The following SUMF2 variants were observed in gnomAD, a reference collection of about 807,000 sequenced individuals.
SUMF2 encodes the protein inactive C-alpha-formylglycine-generating enzyme 2.
A neutral mutation model predicts 44.8 loss-of-function variants in SUMF2; 45 were observed. The ratio of observed to expected loss-of-function variants is 1.00; its 90% CI spans 0.79 to 1.29. The LOEUF is 1.29. SUMF2 is among the 50% of genes most tolerant of loss of function. The pLI, the probability that SUMF2 is intolerant of heterozygous loss-of-function variation, is 0.00. For synonymous variants in SUMF2, 148 were observed against 150.4 expected, an observed-to-expected ratio of 0.98 and a Z score of 0.12; for missense variants, 418 against 389.9, an observed-to-expected ratio of 1.07 and a Z score of -0.61.
At chr7:56,081,168 G>A (rs756697555), downstream of SUMF2, 16 of 1,613,922 alleles carry the variant, frequency 9.9e-6, no homozygotes, top group Non-Finnish European at 1.2e-5. This position sits in a 1 kb window ranked among gnomAD's most constrained non-coding sequence, Gnocchi z 4.6. Flanking sequence ...TTCGGAAAGC[G>A]TAGGCGTCGA....
chr7:56,065,403 G>GT (rs1173852920), intron 1 of SUMF2, among the ~76,000 whole-genome samples: 1 of 151,862 alleles, frequency 6.6e-6, no homozygotes, highest in Admixed American at 6.6e-5. Flanking sequence ...TAGTCAAACC[G>GT]TTTCTCACCT....
downstream of SUMF2, chr7:56,083,544 C>T (rs1796119088): frequency 1.3e-6 from 2 of 1,515,660 alleles, no homozygotes; most frequent in Non-Finnish European, 1.8e-6. Context: ...GAGCAGCACA[C>T]ACGCCCAGCC....
In SUMF2 at chr7:56,080,463, T is replaced by C. The variant is rs771467159; in HGVS notation, c.*851T>C. On this transcript the variant is annotated 3_prime_UTR_variant, in exon 9 of 9. Coordinates refer to ENST00000434526, the MANE Select transcript of SUMF2 (RefSeq NM_015411.4). ...AATTTTTGTAGTGATGGGATCTCGC[T>C]CTGTTGCCCAGGGTGGTCTCGAACT... is the stretch of plus-strand genomic sequence containing the variant. The C allele has an allele frequency of 6.2e-5, 10 of 160,508 alleles. No individual in the cohort carries two copies. Among genetic ancestry groups the C allele is most frequent in the Non-Finnish European group, 1.1e-4 (8 of 73,628 alleles). The allele number at this position is 160,508 out of a possible 1,614,324, so 9.9% of individuals were successfully genotyped here. A position where few individuals can be genotyped will look rare whatever the true frequency, so the allele number is the denominator to read the frequency against.
intron 1 of SUMF2, 107 bp downstream of exon 1, chr7:56,064,485 G>A (rs1329583092): frequency 7.6e-6 from 11 of 1,444,672 alleles, no homozygotes; most frequent in Non-Finnish European, 1.0e-5. Context: ...GGATGCGGCT[G>A]CAGCGGCAGG....
chr7:56,083,818 A>T, downstream of SUMF2: 2 of 787,690 alleles, frequency 2.5e-6, no homozygotes. Context: ...CTAGAAGCTA[A>T]GTGGGCCACT....
At chr7:56,071,119 C>CGG (rs1795128463) in intron 2 of SUMF2, among the ~76,000 whole-genome samples, 1 of 152,214 alleles carries the variant, frequency 6.6e-6, no homozygotes, top group African/African-American at 2.4e-5. Context: ...GTAGTCCCAA[C>CGG]ACTTTGGGAG....
downstream of SUMF2, chr7:56,083,188 G>A: frequency 1.7e-6 from 2 of 1,164,540 alleles, no homozygotes; most frequent in South Asian, 1.4e-5. Flanking sequence ...GAACAATTAA[G>A]TTAGGGGAGA....
downstream of SUMF2, chr7:56,083,536 G>A (rs1164814704): frequency 1.2e-5 from 18 of 1,526,608 alleles, 1 homozygote; most frequent in Admixed American, 2.9e-4. Flanking sequence ...CTGCAAGGGA[G>A]CAGCACACAC....
In SUMF2 at chr7:56,078,388, T is replaced by C. The variant is rs1394622843; in HGVS notation, c.701T>C (p.Val234Ala). Residue 234 changes from valine (V) to alanine (A), a missense_variant, in exon 8 of 9, where the codon GTG (valine) becomes GCG (alanine). Transcript: ENST00000434526. ...NYGLYDLLGN[V>A]WEWTASPYQA... ...GGGCTCTATGACCTCCTGGGGAACGTGTGGGAGTGGACAGCATCACCGTAC... is the reference window on the plus strand; with the variant it reads ...GGGCTCTATGACCTCCTGGGGAACGCGTGGGAGTGGACAGCATCACCGTAC... The C allele has an allele frequency of 1.2e-6, 2 of 1,610,356 alleles. No homozygotes were observed. The highest frequency in any genetic ancestry group is 1.7e-6 in the Non-Finnish European group (2 of 1,178,012).
downstream of SUMF2, chr7:56,084,269 G>GAACTA: frequency 7.5e-7 from 1 of 1,338,940 alleles, no homozygotes; most frequent in Non-Finnish European, 1.0e-6. Context: ...GTGTGGACTG[G>GAACTA]GATGTATCGG....
downstream of SUMF2, chr7:56,080,739 G>T: frequency 5.1e-6 from 2 of 392,724 alleles, no homozygotes; most frequent in African/African-American, 2.0e-5. Flanking sequence ...GTAACTCTGG[G>T]CCTCCCCTAA....
intron 2 of SUMF2, among the ~76,000 whole-genome samples, chr7:56,070,683 A>G (rs1795099746): frequency 6.6e-6 from 1 of 151,994 alleles, no homozygotes; most frequent in African/African-American, 2.4e-5. Flanking sequence ...AAAGAGACAC[A>G]TTCCCCACCC....
chr7:56,083,688 G>A, downstream of SUMF2: 1 of 1,584,930 alleles, frequency 6.3e-7, no homozygotes, highest in Non-Finnish European at 8.6e-7. Context: ...TCTCAGTGAG[G>A]TAGTCAAAGA....
intron 1 of SUMF2, among the ~76,000 whole-genome samples, chr7:56,068,248 C>T (rs1794940475): frequency 6.6e-6 from 1 of 151,720 alleles, no homozygotes; most frequent in Non-Finnish European, 1.5e-5. Flanking sequence ...CCGTGTTAGC[C>T]AGGATGGTCT....
intron 5 of SUMF2, 175 bp from the exon 6 acceptor site, chr7:56,076,659 C>T (rs999705777): frequency 1.8e-6 from 1 of 568,798 alleles, no homozygotes; most frequent in African/African-American, 1.9e-5. Flanking sequence ...CCAGGGCCCT[C>T]TAATGCAGTT....
chr7:56,080,051 GCTTT>G lies in SUMF2; in HGVS notation c.*444_*447del. On this transcript the variant is annotated 3_prime_UTR_variant, in exon 9 of 9. Transcript: ENST00000434526. Reference sequence around the variant, plus strand: ...CAGCCAGTTGCTGTGGAAGGAGAATGCTTTCTTTGTGGCCTCATCTGTGGTTTCG... The same window carrying G: ...CAGCCAGTTGCTGTGGAAGGAGAATGCTTTGTGGCCTCATCTGTGGTTTCG... 2 of 644,344 alleles carry G rather than the reference GCTTT, an allele frequency of 3.1e-6. No homozygotes were observed. Among genetic ancestry groups the G allele is most frequent in the Non-Finnish European group, 5.2e-6 (2 of 381,628 alleles). The allele number at this position is 644,344 out of a possible 1,614,324, so 39.9% of individuals were successfully genotyped here.
intron 2 of SUMF2, among the ~76,000 whole-genome samples, chr7:56,070,187 C>T (rs1395913185): frequency 1.3e-5 from 2 of 151,988 alleles, no homozygotes; most frequent in Non-Finnish European, 2.9e-5. Context: ...GGGATTACAG[C>T]TGTGAGCCAC....
intron 2 of SUMF2, among the ~76,000 whole-genome samples, chr7:56,071,091 G>C (rs759034304): frequency 3.9e-5 from 6 of 152,190 alleles, no homozygotes; most frequent in Non-Finnish European, 8.8e-5. Flanking sequence ...GAACTGCTGA[G>C]CACAGTGGCT....
chr7:56,075,061 G>A (rs1474171765), intron 5 of SUMF2, among the ~76,000 whole-genome samples: 1 of 152,090 alleles, frequency 6.6e-6, no homozygotes, highest in Non-Finnish European at 1.5e-5. Context: ...TCGCACCACT[G>A]CTGTCTGGCC....
Sources: gnomAD v4.1 joint callset for allele counts (sites outside exome capture counted in the v4.1 genomes callset) on GRCh38, gnomAD v4.1.1 for gene constraint, Gnocchi (gnomAD v3.1) non-coding constraint, MANE v1.5 for transcripts, NCBI Gene and HGNC (gene_info 2026-07-23, HGNC 2026-07-21) for gene names.